The following DNAH12 variants were observed in gnomAD, a reference collection of about 807,000 sequenced individuals.
The protein encoded by DNAH12 is axonemal beta dynein heavy chain 12.
In DNAH12, 285 loss-of-function variants were observed where a neutral mutation model predicts 371.5. The observed-to-expected ratio is 0.77, with a 90% CI of 0.70 to 0.85. DNAH12 has a LOEUF of 0.85. DNAH12 is among the 40% of genes least tolerant of loss of function. DNAH12 has a pLI of 0.00. For synonymous variants in DNAH12, 1,200 were observed against 1,213.0 expected (o/e 0.99, Z 0.22); for missense variants, 3,611 against 3,689.4 (o/e 0.98, Z 0.55).
chr3:57,406,028 T>C (rs2064014755), intron 40 of DNAH12, 76 bp from the exon 41 acceptor site: 7 of 1,388,946 alleles, frequency 5.0e-6, no homozygotes, highest in South Asian at 2.9e-5. Flanking sequence ...TGGAATGTTA[T>C]ACAAAATATT....
At chr3:57,296,622 C>A (rs1336095095) in intron 71 of DNAH12, among the ~76,000 whole-genome samples, 187 bp from the exon 72 acceptor site, 4 of 152,156 alleles carry the variant, frequency 2.6e-5, no homozygotes, top group Admixed American at 2.6e-4. Context: ...AGTATTTTAT[C>A]AGATTGTACT....
chr3:57,363,821 GTAT>G (rs1358621818), intron 57 of DNAH12, 35 bp from the exon 58 acceptor site: 2 of 151,998 alleles, frequency 1.3e-5, no homozygotes, highest in Non-Finnish European at 2.9e-5. Flanking sequence ...CAAATTTGTA[GTAT>G]TTTATCTAAA....
chr3:57,440,385 A>T (rs1392628557), intron 29 of DNAH12, among the ~76,000 whole-genome samples: 2 of 152,200 alleles, frequency 1.3e-5, no homozygotes, highest in East Asian at 3.9e-4. Flanking sequence ...CAACATGGAT[A>T]TAGCTGGAGG....
At position 57,471,617 on chromosome 3, in the gene DNAH12, G is replaced by A. The variant is rs2066371444; in HGVS notation, c.1777-11C>T. The A allele has an allele frequency of 6.6e-7, 1 of 1,520,456 alleles. No individual in the cohort carries two copies. The highest frequency in any genetic ancestry group is 8.8e-7 in the Non-Finnish European group (1 of 1,134,914). 94.2% of individuals were successfully genotyped at this position (1,520,456 alleles called of 1,614,324 possible). A position where few individuals can be genotyped will look rare whatever the true frequency, so the allele number is the denominator to read the frequency against. ...AGCATTCTCAATTAGCTTTTTAAAA[G>A]ACAATTTGATCATGTTAGTTAATCT... On this transcript the variant is annotated splice_polypyrimidine_tract_variant and intron_variant, in intron 14 of 73. Coordinates refer to ENST00000495027, the MANE Select transcript of DNAH12 (RefSeq NM_001366028.2).
intron 13 of DNAH12, among the ~76,000 whole-genome samples, chr3:57,481,516 A>G (rs2066741339): frequency 6.6e-6 from 1 of 152,102 alleles, no homozygotes; most frequent in Admixed American, 6.6e-5. Context: ...TATAGATTCA[A>G]TGCCATCCCC....
chr3:57,475,400 C>T (rs1356953033), intron 13 of DNAH12, among the ~76,000 whole-genome samples: 1 of 152,086 alleles, frequency 6.6e-6, no homozygotes, highest in East Asian at 1.9e-4. Context: ...TAAAAGACTG[C>T]TCCATTTAAC....
chr3:57,409,068 G>A (rs1391708607), intron 39 of DNAH12, among the ~76,000 whole-genome samples: 2 of 152,116 alleles, frequency 1.3e-5, no homozygotes, highest in African/African-American at 4.8e-5. Context: ...TCTTCAGAGT[G>A]GATAAAGATG....
Position 57,425,154 on chromosome 3 carries a change from AATAAG to A in DNAH12, c.5254-18_5254-14del. 1 of 684,692 alleles carries A rather than the reference AATAAG, an allele frequency of 1.5e-6. No homozygotes were observed. Among genetic ancestry groups the A allele is most frequent in the Non-Finnish European group, 2.6e-6 (1 of 380,200 alleles). The allele number at this position is 684,692 out of a possible 1,614,324, so 42.4% of individuals were successfully genotyped here. On this transcript the variant is annotated splice_polypyrimidine_tract_variant and intron_variant, in intron 34 of 73. Coordinates refer to ENST00000495027, the MANE Select transcript of DNAH12 (RefSeq NM_001366028.2). ...TAGGAATCAGTTCCTGCAAGGTGAA[AATAAG>A]ATAACTTTCTTAATTTTCATCTTAT...
In DNAH12 at chr3:57,297,349, C is replaced by A. The variant is rs562933701; in HGVS notation, c.11395-365G>T. The A allele has an allele frequency of 1.3e-4, 25 of 193,318 alleles. No homozygotes were observed. In the East Asian group the frequency reaches 4.0e-3, roughly 31 times the overall value. 12.0% of individuals were successfully genotyped at this position (193,318 alleles called of 1,614,324 possible). On this transcript the variant is annotated intron_variant, in intron 70 of 73. Transcript: ENST00000495027. The stretch of plus-strand genomic sequence containing the variant: ...TAGACCTCATTTGTTGATTCCAGTT[C>A]CTTAACCCTATTTTTTTTTTTTTTG...
chr3:57,521,122 A>ACATACCTAAGAACTCTTTG (rs1320868462), intron 4 of DNAH12, among the ~76,000 whole-genome samples: 3 of 149,338 alleles, frequency 2.0e-5, no homozygotes, highest in African/African-American at 4.9e-5. Context: ...GCTTTCGAGG[A>ACATACCTAAGAACTCTTTG]CATACCTAAG....
intron 2 of DNAH12, among the ~76,000 whole-genome samples, 168 bp downstream of exon 2, chr3:57,542,533 A>G (rs1216096775): frequency 6.6e-6 from 1 of 152,238 alleles, no homozygotes; most frequent in East Asian, 1.9e-4. Context: ...TGTACAGTGT[A>G]TAATATTTGC....
intron 17 of DNAH12, among the ~76,000 whole-genome samples, chr3:57,467,645 C>T (rs1288177675): frequency 6.6e-6 from 1 of 152,050 alleles, no homozygotes; most frequent in African/African-American, 2.4e-5. Context: ...GTATACTCTT[C>T]CTATGTTTTC....
chr3:57,464,022 A>G (rs1244896020), intron 17 of DNAH12, among the ~76,000 whole-genome samples: 2 of 151,862 alleles, frequency 1.3e-5, no homozygotes, highest in Non-Finnish European at 2.9e-5. Context: ...CCCTCCCTCT[A>G]TTCTGTCTGG....
Position 57,322,325 on chromosome 3 carries a change from C to T in DNAH12, c.10524+18G>A, listed in dbSNP as rs577604248. 7 of 1,537,602 alleles carry T rather than the reference C, an allele frequency of 4.6e-6. No individual in the cohort carries two copies. The African/African-American group carries it at 5.5e-5, about 12-fold the overall frequency. On this transcript the variant is annotated intron_variant, in intron 65 of 73. Coordinates refer to ENST00000495027, the MANE Select transcript of DNAH12 (RefSeq NM_001366028.2). ...CACTATAAAACACATTTTAAAAGTT[C>T]CAAAAGATGAATATTACCAGTTCCT... is the stretch of plus-strand genomic sequence containing the variant.
chr3:57,415,016 T>C (rs1253459690), intron 38 of DNAH12, among the ~76,000 whole-genome samples: 1 of 152,158 alleles, frequency 6.6e-6, no homozygotes, highest in Non-Finnish European at 1.5e-5. Context: ...GTTTGAAAGG[T>C]CCAGGGAGCA....
chr3:57,513,136 CAAA>C (rs57769589), intron 4 of DNAH12, among the ~76,000 whole-genome samples: 1 of 103,706 alleles, frequency 9.6e-6, no homozygotes, highest in Non-Finnish European at 2.0e-5. Flanking sequence ...GACTTCATCT[CAAA>C]AAAAAAAAAA....
chr3:57,554,469 A>G, the DNAH12 span, among the ~76,000 whole-genome samples: 83 of 152,160 alleles, frequency 5.5e-4, no homozygotes, highest in Non-Finnish European at 1.1e-3. Flanking sequence ...AGAAATCCAG[A>G]ACTTCATACT....
chr3:57,449,893 T>C (rs2153372520), intron 25 of DNAH12, among the ~76,000 whole-genome samples: 1 of 152,312 alleles, frequency 6.6e-6, no homozygotes, highest in East Asian at 1.9e-4. Context: ...AGGACTGCCA[T>C]CACGCTGTCA....
intron 59 of DNAH12, among the ~76,000 whole-genome samples, chr3:57,355,775 G>A (rs1261664380): frequency 2.6e-5 from 4 of 152,064 alleles, no homozygotes; most frequent in Admixed American, 2.0e-4. Flanking sequence ...CAACTGAGAA[G>A]GGATTTCAAT....
Sources: gnomAD v4.1 joint callset for allele counts (sites outside exome capture counted in the v4.1 genomes callset) on GRCh38, gnomAD v4.1.1 for gene constraint, MANE v1.5 for transcripts, NCBI Gene and HGNC (gene_info 2026-07-23, HGNC 2026-07-21) for gene names.